Variants in PCLO observed in about 807,000 individuals in gnomAD.
PCLO encodes protein piccolo.
In PCLO, 82 loss-of-function variants were observed where a neutral mutation model predicts 427.5. The observed-to-expected ratio is 0.19, with a 90% confidence interval of 0.16 to 0.23. The LOEUF is 0.23. Ranked by LOEUF, PCLO falls within the 10% of genes least tolerant of loss-of-function variation. The probability of loss-of-function intolerance (pLI) is 1.00; values close to 1 mark genes in which losing one functional copy is unlikely to be tolerated. For synonymous variants in PCLO, 2,357 were observed against 2,155.4 expected (o/e 1.09, Z -2.59); for missense variants, 6,239 against 6,115.9 (o/e 1.02, Z -0.67).
At position 82,915,547 on chromosome 7, in the gene PCLO, G is replaced by T. The variant is rs1439073582; in HGVS notation, c.12439C>A (p.His4147Asn). Residue 4147 changes from histidine to asparagine, a missense_variant, in exon 7 of 25, where the codon CAT becomes AAT. Physicochemically the swap from His to Asn is moderately conservative, Grantham distance 68. This residue lies in a region of PCLO where 680 missense variants were observed against 677.3 expected (regional missense o/e 1.00). Transcript: ENST00000333891. The stretch of plus-strand genomic sequence containing the variant: ...TAGCTAGTATCAGCATGGTAATAAT[G>T]AGAAAGACCAGCAAGGTGATCTAAG... Reference protein sequence around the residue: ...ESLDHLAGLSHYYHADTSYRH... With the variant: ...ESLDHLAGLSNYYHADTSYRH... The T allele has an allele frequency of 6.2e-7, 1 of 1,613,690 alleles. No homozygotes were observed. Among genetic ancestry groups the T allele is most frequent in the Admixed American group, 1.7e-5 (1 of 59,982 alleles).
chr7:83,046,077 T>C (rs1414331032), intron 3 of PCLO, among the ~76,000 whole-genome samples: 4 of 152,106 alleles, frequency 2.6e-5, no homozygotes, highest in Admixed American at 6.6e-5. Flanking sequence ...TCTCAGTCTG[T>C]GATGTTTGTA....
In PCLO at chr7:83,130,865, A is replaced by G. The variant is rs530306819; in HGVS notation, c.3300+3385T>C. ...AATTCCTACATTATTTAGGCCATGC[A>G]CAATCATCTTGCTAAGGAAGCAAAA... On this transcript the variant is annotated intron_variant, in intron 3 of 24. Coordinates refer to ENST00000333891, the MANE Select transcript of PCLO (RefSeq NM_033026.6). 9.2e-5 allele frequency among the ~76,000 whole-genome samples: 14 copies of G among 152,350 alleles called. 1 individual carries two copies. In the Middle Eastern group the frequency reaches 0.01, roughly 111 times the overall value.
intron 10 of PCLO, among the ~76,000 whole-genome samples, chr7:82,861,682 C>A (rs1792960348): frequency 1.3e-5 from 2 of 152,162 alleles, no homozygotes; most frequent in South Asian, 2.1e-4. Flanking sequence ...AATACACATT[C>A]TTTTCCTCAG....
intron 3 of PCLO, among the ~76,000 whole-genome samples, chr7:83,078,274 C>T (rs537107236): frequency 6.6e-6 from 1 of 152,204 alleles, no homozygotes; most frequent in Non-Finnish European, 1.5e-5. Context: ...AAGCCTCACT[C>T]TCAAGGAGTT....
At chr7:82,778,120 C>T (rs1343939035) in intron 22 of PCLO, among the ~76,000 whole-genome samples, 1 of 151,998 alleles carries the variant, frequency 6.6e-6, no homozygotes, top group Non-Finnish European at 1.5e-5. Context: ...TGAACAGACA[C>T]ATTTCAAAAA....
chr7:82,816,104 T>C (rs1342808423), intron 20 of PCLO, among the ~76,000 whole-genome samples: 1 of 152,116 alleles, frequency 6.6e-6, no homozygotes, highest in Non-Finnish European at 1.5e-5. Context: ...TCAGTATACA[T>C]GAAAATTCCC....
At chr7:83,010,123 G>A (rs1333180646) in intron 3 of PCLO, among the ~76,000 whole-genome samples, 3 of 151,996 alleles carry the variant, frequency 2.0e-5, no homozygotes, top group African/African-American at 4.8e-5. Context: ...GTCACACAAT[G>A]TCTGTTTCTT....
At chr7:82,997,903 T>G (rs1016095719) in intron 3 of PCLO, among the ~76,000 whole-genome samples, 1 of 152,062 alleles carries the variant, frequency 6.6e-6, no homozygotes, top group Non-Finnish European at 1.5e-5. Context: ...TACTGGCTTC[T>G]GGTTTTTTGT....
At chr7:82,867,981 A>G in intron 10 of PCLO, 1 of 362,922 alleles carries the variant, frequency 2.8e-6, no homozygotes, top group South Asian at 2.2e-5. Context: ...TCTTCACAGA[A>G]GAGAGTTTCC....
intron 6 of PCLO, among the ~76,000 whole-genome samples, chr7:82,934,483 C>T (rs987893220): frequency 4.0e-5 from 6 of 151,730 alleles, no homozygotes; most frequent in Non-Finnish European, 7.4e-5. Flanking sequence ...TTTAGTCTAA[C>T]GATGTTTATT....
chr7:82,760,215 T>C (rs1379017723), intron 24 of PCLO, among the ~76,000 whole-genome samples: 4 of 151,956 alleles, frequency 2.6e-5, no homozygotes, highest in Non-Finnish European at 5.9e-5. Context: ...TTCAAGATAA[T>C]GGTGAGTAAT....
At chr7:82,923,318 C>T (rs1428117621) in intron 6 of PCLO, among the ~76,000 whole-genome samples, 5 of 151,954 alleles carry the variant, frequency 3.3e-5, no homozygotes, top group African/African-American at 1.2e-4. Context: ...TGCCTTAATT[C>T]CTGTGAGATG....
At chr7:82,866,140 C>T (rs1156321277) in intron 10 of PCLO, among the ~76,000 whole-genome samples, 1 of 152,096 alleles carries the variant, frequency 6.6e-6, no homozygotes, top group East Asian at 1.9e-4. Flanking sequence ...TGTCACTTCT[C>T]TGCCTATAAT....
intron 3 of PCLO, among the ~76,000 whole-genome samples, chr7:82,979,469 T>A (rs1460562990): frequency 1.3e-5 from 2 of 152,174 alleles, no homozygotes; most frequent in African/African-American, 2.4e-5. Context: ...GTAAGAGGTT[T>A]AAAGTAGTTT....
intron 9 of PCLO, among the ~76,000 whole-genome samples, chr7:82,893,753 CT>C (rs1793834366): frequency 6.6e-6 from 1 of 151,904 alleles, no homozygotes; most frequent in Non-Finnish European, 1.5e-5. Context: ...GAACTATTTT[CT>C]TCAGATTTCT....
chr7:82,938,981 T>C (rs950764829), intron 6 of PCLO, among the ~76,000 whole-genome samples: 18 of 152,030 alleles, frequency 1.2e-4, no homozygotes, highest in Admixed American at 2.6e-4. Context: ...AAATTAAAAA[T>C]AGTAAAATGT....
At chr7:83,107,101 G>C (rs1023956041) in intron 3 of PCLO, among the ~76,000 whole-genome samples, 1 of 151,930 alleles carries the variant, frequency 6.6e-6, no homozygotes, top group African/African-American at 2.4e-5. Context: ...TACATGTGCA[G>C]GTCTGTTATA....
chr7:82,883,024 T>C (rs1041221245), intron 9 of PCLO, among the ~76,000 whole-genome samples: 1 of 152,132 alleles, frequency 6.6e-6, no homozygotes, highest in Non-Finnish European at 1.5e-5. Context: ...AATACTTGTT[T>C]AATTTCAATA....
intron 3 of PCLO, among the ~76,000 whole-genome samples, chr7:83,022,099 A>T (rs1172273018): frequency 1.3e-5 from 2 of 152,120 alleles, no homozygotes; most frequent in African/African-American, 4.8e-5. Context: ...TACTGAAGTG[A>T]TGAGGGAGGA....
Sources: allele counts gnomAD v4.1 joint callset (sites outside exome capture counted in the v4.1 genomes callset), GRCh38; gene constraint gnomAD v4.1.1; regional missense constraint gnomAD v4.1.1; transcripts MANE v1.5; gene names NCBI Gene and HGNC (gene_info 2026-07-23, HGNC 2026-07-21).